AFG2A: variants seen among roughly 807,000 people sequenced by gnomAD.
AFG2A encodes ATPase family gene 2 protein homolog A.
At chr4:123,107,324 G>A in the AFG2A span, among the ~76,000 whole-genome samples, 1 of 152,324 alleles carries the variant, frequency 6.6e-6, no homozygotes, top group Non-Finnish European at 1.5e-5. Flanking sequence ...ACAACTGGAG[G>A]GTGAGCAAGG....
At chr4:123,243,936 C>G in the AFG2A span, among the ~76,000 whole-genome samples, 2 of 151,986 alleles carry the variant, frequency 1.3e-5, no homozygotes, top group South Asian at 4.2e-4. Flanking sequence ...GTGGGAGGAC[C>G]GCTTGGACCC....
the AFG2A span, among the ~76,000 whole-genome samples, chr4:123,019,624 C>T: frequency 1.4e-4 from 22 of 152,186 alleles, 1 homozygote; most frequent in Admixed American, 1.4e-3. Flanking sequence ...ATTTTCAAAT[C>T]TGTCTTCACT....
the AFG2A span, among the ~76,000 whole-genome samples, chr4:123,199,535 G>A: frequency 4.8e-5 from 6 of 125,002 alleles, no homozygotes; most frequent in African/African-American, 1.5e-4. Context: ...GTAATGGCAC[G>A]ATCTCGGCTA....
At chr4:123,001,760 C>T in the AFG2A span, among the ~76,000 whole-genome samples, 5 of 152,286 alleles carry the variant, frequency 3.3e-5, no homozygotes, top group Admixed American at 2.0e-4. Flanking sequence ...TGGTGTGGTG[C>T]TGAGAAGAAT....
chr4:122,951,243 T>C, the AFG2A span, among the ~76,000 whole-genome samples: 2 of 152,216 alleles, frequency 1.3e-5, no homozygotes, highest in Admixed American at 6.5e-5. Context: ...TCCCTTTACA[T>C]TGGATTAGGT....
the AFG2A span, among the ~76,000 whole-genome samples, chr4:123,095,665 G>A: frequency 2.0e-5 from 3 of 151,274 alleles, no homozygotes; most frequent in African/African-American, 4.9e-5. Flanking sequence ...TAAAAGAGGC[G>A]ACGAAGAGTT....
the AFG2A span, among the ~76,000 whole-genome samples, chr4:123,273,314 C>G: frequency 6.6e-6 from 1 of 152,020 alleles, no homozygotes; most frequent in African/African-American, 2.4e-5. Flanking sequence ...GAAATCCAAA[C>G]TTTATCAGTG....
chr4:122,926,518 T>C, the AFG2A span, among the ~76,000 whole-genome samples: 1 of 152,236 alleles, frequency 6.6e-6, no homozygotes, highest in Non-Finnish European at 1.5e-5. Flanking sequence ...GCACCTCATA[T>C]AAGAAGGAAA....
At chr4:122,924,222 A>G in the AFG2A span, among the ~76,000 whole-genome samples, 1 of 152,156 alleles carries the variant, frequency 6.6e-6, no homozygotes, top group Admixed American at 6.5e-5. Context: ...AAACATGCTC[A>G]TTTCTCTTCC....
At chr4:122,986,088 G>T in the AFG2A span, among the ~76,000 whole-genome samples, 7 of 152,028 alleles carry the variant, frequency 4.6e-5, no homozygotes, top group African/African-American at 1.7e-4. Flanking sequence ...GGTTCTGAAG[G>T]TTCCTTTTGG....
At chr4:123,211,228 A>G in the AFG2A span, among the ~76,000 whole-genome samples, 1 of 152,164 alleles carries the variant, frequency 6.6e-6, no homozygotes, top group Non-Finnish European at 1.5e-5. Flanking sequence ...TTATATATGT[A>G]AAAGTTTGTT....
chr4:123,004,816 A>G, the AFG2A span, among the ~76,000 whole-genome samples: 1 of 151,620 alleles, frequency 6.6e-6, no homozygotes. Context: ...TTTCCCTTAT[A>G]TGTTCTCCAT....
At chr4:123,264,057 G>A in the AFG2A span, among the ~76,000 whole-genome samples, 4,216 of 152,214 alleles carry the variant, frequency 0.028, 187 homozygotes, top group African/African-American at 0.092. Context: ...AATGGCATTC[G>A]CAGCAACCTG....
the AFG2A span, among the ~76,000 whole-genome samples, chr4:123,054,377 A>G: frequency 6.6e-6 from 1 of 151,102 alleles, no homozygotes; most frequent in African/African-American, 2.4e-5. Flanking sequence ...TATGAACTAC[A>G]TACTTAAGAG....
At chr4:122,980,281 G>A in the AFG2A span, among the ~76,000 whole-genome samples, 6 of 152,192 alleles carry the variant, frequency 3.9e-5, no homozygotes, top group African/African-American at 1.4e-4. Context: ...TAGGCATAAT[G>A]TTCCCCAGAT....
chr4:123,245,159 G>T, the AFG2A span, among the ~76,000 whole-genome samples: 1 of 152,112 alleles, frequency 6.6e-6, no homozygotes, highest in Non-Finnish European at 1.5e-5. Context: ...GAAGTACAAG[G>T]AGTTCAGTAT....
chr4:123,164,710 T>G, the AFG2A span, among the ~76,000 whole-genome samples: 4 of 152,366 alleles, frequency 2.6e-5, no homozygotes, highest in East Asian at 7.7e-4. Context: ...TTACTTTTTT[T>G]GGTTCATTTG....
chr4:123,023,106 A>G, the AFG2A span, among the ~76,000 whole-genome samples: 2 of 151,730 alleles, frequency 1.3e-5, no homozygotes, highest in Non-Finnish European at 2.9e-5. Flanking sequence ...TAATGGGTGC[A>G]GCACACCAGC....
chr4:122,931,682 A>C, the AFG2A span, among the ~76,000 whole-genome samples: 5 of 152,240 alleles, frequency 3.3e-5, no homozygotes, highest in East Asian at 9.7e-4. Context: ...CACTCCCTCC[A>C]ACTGACCCCA....
Sources: gnomAD v4.1 joint callset for allele counts (sites outside exome capture counted in the v4.1 genomes callset) on GRCh38, gnomAD v4.1.1 for gene constraint, MANE v1.5 for transcripts, NCBI Gene and HGNC (gene_info 2026-07-23, HGNC 2026-07-21) for gene names.